Variants in LAMP2 observed in about 807,000 individuals in gnomAD.
LAMP2 encodes the protein lysosome-associated membrane glycoprotein 2.
In LAMP2, 4 loss-of-function variants were observed where a neutral mutation model predicts 25.6. That is an observed-to-expected ratio of 0.16 (90% confidence interval 0.08 to 0.36). The LOEUF (loss-of-function observed/expected upper bound fraction) is 0.36. LAMP2 is among the 10% of genes least tolerant of loss of function. The pLI is 1.00. For synonymous variants in LAMP2, 108 were observed against 112.7 expected (o/e 0.96, Z 0.27); for missense variants, 272 against 301.4 (o/e 0.90, Z 0.72).
At chrX:120,463,828 T>A (rs1429766812) in intron 1 of LAMP2, among the ~76,000 whole-genome samples, 13 of 107,419 alleles carry the variant, frequency 1.2e-4, no homozygotes, top group Non-Finnish European at 2.3e-4. Flanking sequence ...TATTTGAATA[T>A]CTATAACCCT....
intron 3 of LAMP2, among the ~76,000 whole-genome samples, chrX:120,453,248 C>T (rs2058629927): frequency 8.9e-6 from 1 of 111,844 alleles, no homozygotes; most frequent in South Asian, 3.7e-4. Flanking sequence ...GTAAAAAGAA[C>T]ACTAGGATTT....
chrX:120,468,805 T>C (rs1921644804), intron 1 of LAMP2, among the ~76,000 whole-genome samples: 1 of 111,073 alleles, frequency 9.0e-6, no homozygotes, highest in African/African-American at 3.3e-5. Flanking sequence ...CCTCAGTGTT[T>C]TCCCCAAGTT....
At chrX:120,434,023 C>T (rs779846215) in intron 8 of LAMP2, among the ~76,000 whole-genome samples, 15 of 112,022 alleles carry the variant, frequency 1.3e-4, no homozygotes, top group African/African-American at 4.9e-4. Context: ...ATCCAGAGAG[C>T]TGAGGCTGCC....
rs1020774241 is a variant in LAMP2 at position 120,430,295 on chromosome X, C to A, written c.*1028G>T. On this transcript the variant is annotated 3_prime_UTR_variant, in exon 9 of 9. Transcript: ENST00000200639. ...TTAATGCCAACAGCTTCTCTTTACA[C>A]CCCCATCTATGCACTGCCCCACAGG... 57 of 753,002 alleles carry A rather than the reference C, an allele frequency of 7.6e-5. No individual in the cohort carries two copies. The highest frequency in any genetic ancestry group is 8.8e-5 in the Non-Finnish European group (56 of 638,808). The allele number at this position is 753,002 out of a possible 1,213,427, so 62.1% of individuals were successfully genotyped here.
In LAMP2 at chrX:120,447,929, G is replaced by T; in HGVS notation, c.653C>A (p.Pro218Gln). Residue 218 changes from proline to glutamine, a missense_variant, in exon 5 of 9, where the codon CCA (proline) becomes CAA (glutamine). Pro to Gln is a moderately conservative substitution (Grantham distance 76). Coordinates refer to ENST00000200639, the MANE Select transcript of LAMP2 (RefSeq NM_002294.3). ...ATTAACTGAATAGGTTCCAGCTTCT[G>T]GTTTTTCCTTTGGAGTAGGTGTTGT... Reference protein sequence around the residue: ...PTTTPTPKEKPEAGTYSVNNG... With the variant: ...PTTTPTPKEKQEAGTYSVNNG... The T allele has an allele frequency of 8.3e-7, 1 of 1,210,232 alleles. No individual in the cohort carries two copies. Among genetic ancestry groups the T allele is most frequent in the Non-Finnish European group, 1.1e-6 (1 of 894,130 alleles).
At chrX:120,449,700 A>G (rs2058613433) in intron 3 of LAMP2, among the ~76,000 whole-genome samples, 1 of 112,697 alleles carries the variant, frequency 8.9e-6, no homozygotes, top group African/African-American at 3.2e-5. Context: ...ACTTTGAAGC[A>G]TCTTCTATGA....
Position 120,447,834 on chromosome X carries a change from C to T in LAMP2, c.741+7G>A. 8.3e-7 allele frequency: 1 copy of T among 1,199,973 alleles called. No homozygotes were observed. The highest frequency in any genetic ancestry group is 1.7e-5 in the African/African-American group (1 of 57,655). ...AAGGATGTATTGATAAAGATAGACA[C>T]CTATACCTTATCCTGAGTGATGTTC... On this transcript the variant is annotated splice_region_variant and intron_variant, in intron 5 of 8. Coordinates refer to ENST00000200639, the MANE Select transcript of LAMP2 (RefSeq NM_002294.3).
Position 120,429,061 on chromosome X carries a change from G to T in LAMP2, c.*2262C>A. 1 of 538,557 alleles carries T rather than the reference G, an allele frequency of 1.9e-6. No homozygotes were observed. The highest frequency in any genetic ancestry group is 2.2e-6 in the Non-Finnish European group (1 of 444,936). 44.4% of individuals were successfully genotyped at this position (538,557 alleles called of 1,213,427 possible). ...TTAAAAAAGACTTAGGATCAAGAAT[G>T]TAGTATATATATACATATATATGTG... On this transcript the variant is annotated 3_prime_UTR_variant, in exon 9 of 9. Transcript: ENST00000200639.
intron 3 of LAMP2, among the ~76,000 whole-genome samples, chrX:120,450,486 G>C (rs1437463105): frequency 8.9e-6 from 1 of 112,249 alleles, no homozygotes; most frequent in Non-Finnish European, 1.9e-5. Context: ...TACGTGACTG[G>C]CTGTATATAG....
chrX:120,446,224 C>T, intron 6 of LAMP2, 81 bp downstream of exon 6: 1 of 923,049 alleles, frequency 1.1e-6, no homozygotes, highest in East Asian at 3.1e-5. Flanking sequence ...GCTAAATACC[C>T]CCCTCCCCCC....
intron 1 of LAMP2, among the ~76,000 whole-genome samples, chrX:120,465,969 C>T (rs1030917928): frequency 1.8e-5 from 2 of 112,052 alleles, no homozygotes; most frequent in Non-Finnish European, 3.8e-5. Flanking sequence ...GAACCAAGAG[C>T]CATCAGAAAA....
At chrX:120,460,154 T>A (rs1785217288) in intron 1 of LAMP2, among the ~76,000 whole-genome samples, 1 of 109,984 alleles carries the variant, frequency 9.1e-6, no homozygotes, top group African/African-American at 3.3e-5. Flanking sequence ...TCACCTATAA[T>A]CCTAGCTACT....
At chrX:120,438,950 C>T (rs1191569070) in intron 8 of LAMP2, 14 of 1,016,470 alleles carry the variant, frequency 1.4e-5, no homozygotes, top group Non-Finnish European at 1.8e-5. Flanking sequence ...GTAAAAATAA[C>T]AGTTTTAAAT....
rs2058554238 is a variant in LAMP2, at chrX:120,438,193, G to A, written c.1093+3537C>T. 4.0e-6 allele frequency: 3 copies of A among 751,498 alleles called. No homozygotes were observed. In the South Asian group the frequency reaches 2.0e-4, roughly 51 times the overall value. The allele number at this position is 751,498 out of a possible 1,213,427, so 61.9% of individuals were successfully genotyped here. The stretch of plus-strand genomic sequence containing the variant: ...TATTTTATAAGTGTAAGTGCACTTC[G>A]TTATCTAGGTTCTAGGACACACTGG... On this transcript the variant is annotated intron_variant, in intron 8 of 8. Coordinates refer to ENST00000200639, the MANE Select transcript of LAMP2 (RefSeq NM_002294.3).
intron 1 of LAMP2, among the ~76,000 whole-genome samples, chrX:120,460,016 C>A (rs1921253082): frequency 8.9e-6 from 1 of 111,812 alleles, no homozygotes; most frequent in African/African-American, 3.3e-5. Context: ...CATGGTGGCT[C>A]ACACCTATAA....
intron 8 of LAMP2, chrX:120,439,391 C>A (rs944059714): frequency 1.8e-5 from 15 of 815,517 alleles, no homozygotes; most frequent in Non-Finnish European, 2.4e-5. Context: ...AATGTTCTTA[C>A]AAGATCAACT....
chrX:120,467,339 G>A (rs993176615), intron 1 of LAMP2, among the ~76,000 whole-genome samples: 1 of 111,411 alleles, frequency 9.0e-6, no homozygotes, highest in African/African-American at 3.3e-5. Flanking sequence ...CCTGTGCTTA[G>A]TTAGGATGTT....
At chrX:120,454,931 T>C (rs1286255981) in intron 3 of LAMP2, among the ~76,000 whole-genome samples, 2 of 59,968 alleles carry the variant, frequency 3.3e-5, no homozygotes, top group East Asian at 4.6e-4. Flanking sequence ...ACACACACAC[T>C]AGGATATATA....
chrX:120,451,027 A>C (rs2058618986), intron 3 of LAMP2, among the ~76,000 whole-genome samples: 1 of 109,996 alleles, frequency 9.1e-6, no homozygotes, highest in South Asian at 3.9e-4. Context: ...TCCTAGGTTC[A>C]AACGATTCTC....
Sources: gnomAD v4.1 joint callset for allele counts (sites outside exome capture counted in the v4.1 genomes callset) on GRCh38, gnomAD v4.1.1 for gene constraint, MANE v1.5 for transcripts, NCBI Gene and HGNC (gene_info 2026-07-23, HGNC 2026-07-21) for gene names.